NTN1: variants seen among roughly 807,000 people sequenced by gnomAD.
NTN1 encodes netrin-1.
NTN1 carries 11 observed loss-of-function variants against 54.2 expected under a neutral mutation model. The observed-to-expected ratio is 0.20, with a 90% CI of 0.13 to 0.34. NTN1 has a LOEUF of 0.34. NTN1 is among the 10% of genes least tolerant of loss of function. The probability of loss-of-function intolerance (pLI) is 1.00; values close to 1 mark genes in which losing one functional copy is unlikely to be tolerated. For synonymous variants in NTN1, 371 were observed against 382.0 expected (o/e 0.97, Z 0.33); for missense variants, 740 against 893.1 (o/e 0.83, Z 2.18).
intron 2 of NTN1, among the ~76,000 whole-genome samples, chr17:9,084,383 G>T (rs902473288): frequency 6.6e-6 from 1 of 152,228 alleles, no homozygotes; most frequent in Admixed American, 6.5e-5. Flanking sequence ...TCTAGTCATT[G>T]TGTGGGAGGG....
chr17:9,187,455 T>A (rs926348715), intron 5 of NTN1, among the ~76,000 whole-genome samples: 1 of 152,100 alleles, frequency 6.6e-6, no homozygotes, highest in Non-Finnish European at 1.5e-5. Flanking sequence ...CACCTGTCTA[T>A]CATCGGATGA....
At chr17:9,096,366 C>CTT (rs1555567412) in intron 2 of NTN1, among the ~76,000 whole-genome samples, 44 of 91,534 alleles carry the variant, frequency 4.8e-4, no homozygotes, top group South Asian at 8.4e-4. Flanking sequence ...TATGGGTAGA[C>CTT]TTTTTTTTTT....
chr17:9,158,900 C>T (rs916361471), intron 2 of NTN1, among the ~76,000 whole-genome samples: 23 of 152,194 alleles, frequency 1.5e-4, no homozygotes, highest in Non-Finnish European at 1.8e-4. Context: ...TTTCAGACTT[C>T]AGGGCAGGAG....
At chr17:9,189,212 C>T (rs1904384677) in intron 5 of NTN1, among the ~76,000 whole-genome samples, 1 of 152,216 alleles carries the variant, frequency 6.6e-6, no homozygotes, top group African/African-American at 2.4e-5. Context: ...CCCCCGACCC[C>T]TGTTTTACAG....
chr17:9,036,383 CTTTTTTTTTTTT>C (rs869283987), intron 2 of NTN1, among the ~76,000 whole-genome samples: 97 of 107,218 alleles, frequency 9.0e-4, no homozygotes, highest in African/African-American at 3.3e-3. Flanking sequence ...CGTCTCTTAT[CTTTTTTTTTTTT>C]TTTTTTTTTT....
At chr17:9,199,652 T>G (rs1468263786) in intron 5 of NTN1, among the ~76,000 whole-genome samples, 1 of 152,254 alleles carries the variant, frequency 6.6e-6, no homozygotes, top group African/African-American at 2.4e-5. Flanking sequence ...CTGAAAGTGT[T>G]GAGGATCACT....
the NTN1 span, among the ~76,000 whole-genome samples, chr17:9,010,011 C>G: frequency 6.6e-6 from 1 of 152,200 alleles, no homozygotes; most frequent in African/African-American, 2.4e-5. Flanking sequence ...CTGCTGGGCT[C>G]TCATACAGTA....
At chr17:9,114,166 A>AAAAATATATAT (rs1555569108) in intron 2 of NTN1, among the ~76,000 whole-genome samples, 5 of 74,622 alleles carry the variant, frequency 6.7e-5, no homozygotes, top group African/African-American at 2.9e-4. Context: ...AAAAAAAAAA[A>AAAAATATATAT]ATATATATAT....
chr17:9,149,191 G>A (rs992582960), intron 2 of NTN1, among the ~76,000 whole-genome samples: 3 of 152,148 alleles, frequency 2.0e-5, no homozygotes, highest in East Asian at 3.9e-4. Context: ...GCCCTCATAT[G>A]TCCATTTCAT....
chr17:9,223,990 A>G (rs1233614310), intron 6 of NTN1, among the ~76,000 whole-genome samples: 1 of 152,194 alleles, frequency 6.6e-6, no homozygotes, highest in Non-Finnish European at 1.5e-5. Flanking sequence ...CTCTTTAAGC[A>G]GCTACACTGT....
intron 6 of NTN1, among the ~76,000 whole-genome samples, chr17:9,231,519 A>G (rs1197606984): frequency 6.6e-6 from 1 of 152,160 alleles, no homozygotes; most frequent in Non-Finnish European, 1.5e-5. Flanking sequence ...CCGTGTGTAG[A>G]GAGTGCATGG....
At chr17:9,070,372 G>A (rs1324077953) in intron 2 of NTN1, among the ~76,000 whole-genome samples, 3 of 152,070 alleles carry the variant, frequency 2.0e-5, no homozygotes, top group East Asian at 1.9e-4. Context: ...TCTTTCTCCC[G>A]AGAAAGGAAA....
At chr17:9,205,795 T>C (rs890566461) in intron 5 of NTN1, among the ~76,000 whole-genome samples, 1 of 152,254 alleles carries the variant, frequency 6.6e-6, no homozygotes, top group Admixed American at 6.5e-5. Context: ...CCAGTGACTT[T>C]GGATGCTGAA....
At chr17:9,037,488 G>A (rs1395205069) in intron 2 of NTN1, among the ~76,000 whole-genome samples, 1 of 152,130 alleles carries the variant, frequency 6.6e-6, no homozygotes, top group African/African-American at 2.4e-5. Flanking sequence ...ATATGATTTT[G>A]CATTAATTCT....
intron 5 of NTN1, among the ~76,000 whole-genome samples, chr17:9,209,657 G>A (rs1567739454): frequency 6.6e-6 from 1 of 152,172 alleles, no homozygotes; most frequent in African/African-American, 2.4e-5. Flanking sequence ...CTTGGTGGGG[G>A]CCAGGGCACC....
At chr17:9,229,085 TGTGTGACTGAGACTGTGACTGTGA>T (rs1555579232) in intron 6 of NTN1, among the ~76,000 whole-genome samples, 1 of 5,300 alleles carries the variant, frequency 1.9e-4, no homozygotes, top group Admixed American at 2.9e-3. Context: ...TGTGACTGTG[TGTGTGACTGAGACTGTGACTGTGA>T]GTGTGTGACT....
intron 2 of NTN1, among the ~76,000 whole-genome samples, chr17:9,109,038 G>A (rs55905637): frequency 0.094 from 14,301 of 151,786 alleles, 795 homozygotes; most frequent in Non-Finnish European, 0.12. Flanking sequence ...CACCACCCCC[G>A]GCTAATTTTT....
intron 2 of NTN1, among the ~76,000 whole-genome samples, chr17:9,035,266 C>G (rs67963426): frequency 0.15 from 23,306 of 152,146 alleles, 1,942 homozygotes; most frequent in Non-Finnish European, 0.18. Context: ...TATTTTTGAA[C>G]TTGGTATAAA....
chr17:9,200,763 C>G (rs2142336217), intron 5 of NTN1, among the ~76,000 whole-genome samples: 1 of 152,338 alleles, frequency 6.6e-6, no homozygotes. Flanking sequence ...GGTTACAGAG[C>G]TGAGTAGAAC....
Sources: allele counts gnomAD v4.1 joint callset (sites outside exome capture counted in the v4.1 genomes callset), GRCh38; gene constraint gnomAD v4.1.1; transcripts MANE v1.5; gene names NCBI Gene and HGNC (gene_info 2026-07-23, HGNC 2026-07-21).